The following KLF8 variants were observed in gnomAD, a reference collection of about 807,000 sequenced individuals.
The protein encoded by KLF8 is KLF transcription factor 8.
KLF8 carries 10 observed loss-of-function variants against 18.2 expected under a neutral mutation model. That is an observed-to-expected ratio of 0.55 (90% CI 0.34 to 0.93). KLF8 has a LOEUF of 0.93. Among genes scored for constraint, KLF8 ranks in the 40% least tolerant of loss-of-function variants. The pLI is 0.02. For synonymous variants in KLF8, 109 were observed against 97.3 expected (o/e 1.12, Z -0.71); for missense variants, 264 against 277.9 (o/e 0.95, Z 0.36).
the KLF8 span, among the ~76,000 whole-genome samples, chrX:55,987,857 C>G: frequency 5.4e-5 from 6 of 111,758 alleles, no homozygotes; most frequent in Non-Finnish European, 1.1e-4. Flanking sequence ...TCCTCTCCAG[C>G]ACCTGTTGTT....
chrX:55,960,432 C>T, the KLF8 span, among the ~76,000 whole-genome samples: 1 of 111,422 alleles, frequency 9.0e-6, no homozygotes, highest in African/African-American at 3.3e-5. Context: ...AGGAAAATCA[C>T]GTGATCACAG....
chrX:56,050,052 C>T, the KLF8 span, among the ~76,000 whole-genome samples: 3 of 110,653 alleles, frequency 2.7e-5, no homozygotes, highest in Non-Finnish European at 5.7e-5. Context: ...AGTTTATTTG[C>T]ATAGAGGTGT....
the KLF8 span, among the ~76,000 whole-genome samples, chrX:56,176,064 G>T: frequency 9.0e-6 from 1 of 111,599 alleles, no homozygotes; most frequent in African/African-American, 3.3e-5. Flanking sequence ...TTGCCACTTG[G>T]TGTCTTTTAA....
chrX:55,955,789 C>T, the KLF8 span, among the ~76,000 whole-genome samples: 1 of 111,478 alleles, frequency 9.0e-6, no homozygotes, highest in African/African-American at 3.3e-5. Context: ...CCTAGAGTTG[C>T]ACCTGGTAGG....
At chrX:56,148,460 A>C in the KLF8 span, among the ~76,000 whole-genome samples, 57,649 of 109,557 alleles carry the variant, frequency 0.53, 13,656 homozygotes, top group Non-Finnish European at 0.73. Flanking sequence ...AAATAGAGAA[A>C]TACACCATAA....
At chrX:55,996,599 C>T in the KLF8 span, among the ~76,000 whole-genome samples, 1 of 111,829 alleles carries the variant, frequency 8.9e-6, no homozygotes, top group African/African-American at 3.3e-5. Context: ...ATTTAGTTGA[C>T]AGGCTTCGTT....
At chrX:56,076,764 A>C in the KLF8 span, among the ~76,000 whole-genome samples, 1 of 111,784 alleles carries the variant, frequency 8.9e-6, no homozygotes, top group East Asian at 2.8e-4. Flanking sequence ...CCAACAGTGT[A>C]AAAGTGTTCC....
chrX:56,081,502 C>T, the KLF8 span, among the ~76,000 whole-genome samples: 2 of 112,025 alleles, frequency 1.8e-5, no homozygotes, highest in Non-Finnish European at 3.8e-5. Context: ...CCAGCTAAAA[C>T]TTTCAGTACA....
chrX:55,923,373 T>C, the KLF8 span, among the ~76,000 whole-genome samples: 1 of 110,514 alleles, frequency 9.0e-6, no homozygotes, highest in East Asian at 2.9e-4. Context: ...TCCAGAAGAA[T>C]ATTGAATGAA....
the KLF8 span, among the ~76,000 whole-genome samples, chrX:56,167,740 C>T: frequency 8.9e-6 from 1 of 112,032 alleles, no homozygotes; most frequent in Non-Finnish European, 1.9e-5. Flanking sequence ...TTTATGTATG[C>T]TATGTATATG....
the KLF8 span, among the ~76,000 whole-genome samples, chrX:56,124,392 A>G: frequency 8.9e-6 from 1 of 112,133 alleles, no homozygotes; most frequent in Non-Finnish European, 1.9e-5. Context: ...CAACTTGGGA[A>G]TAACAGAGTC....
At chrX:56,237,510 T>A (rs190221465) in intron 1 of KLF8, among the ~76,000 whole-genome samples, 1 of 111,003 alleles carries the variant, frequency 9.0e-6, no homozygotes, top group East Asian at 2.8e-4. Context: ...CTTGCTTGTC[T>A]ACTTAAAAAT....
At chrX:56,005,509 G>A in the KLF8 span, among the ~76,000 whole-genome samples, 1 of 111,822 alleles carries the variant, frequency 8.9e-6, no homozygotes, top group Non-Finnish European at 1.9e-5. Context: ...CATGATTGCA[G>A]CAGCAATATT....
At chrX:55,912,244 CA>C in the KLF8 span, among the ~76,000 whole-genome samples, 1 of 111,329 alleles carries the variant, frequency 9.0e-6, no homozygotes, top group African/African-American at 3.3e-5. Flanking sequence ...GACCTGGATA[CA>C]CACTGAAGTT....
the KLF8 span, among the ~76,000 whole-genome samples, chrX:56,182,732 C>T: frequency 8.9e-6 from 1 of 112,568 alleles, no homozygotes; most frequent in African/African-American, 3.2e-5. Flanking sequence ...TGTAGGAGGT[C>T]CCCTCCAGAC....
the KLF8 span, among the ~76,000 whole-genome samples, chrX:56,052,817 C>A: frequency 8.9e-6 from 1 of 111,912 alleles, no homozygotes; most frequent in African/African-American, 3.2e-5. Context: ...TTCCTGGCTG[C>A]TTTGTTTACC....
chrX:55,937,571 A>G, the KLF8 span, among the ~76,000 whole-genome samples: 2 of 111,702 alleles, frequency 1.8e-5, no homozygotes, highest in Admixed American at 1.9e-4. Flanking sequence ...AGATCAAACT[A>G]CTCCGAGCTA....
the KLF8 span, among the ~76,000 whole-genome samples, chrX:56,135,009 C>A: frequency 9.0e-6 from 1 of 110,975 alleles, no homozygotes; most frequent in South Asian, 3.8e-4. Flanking sequence ...ATCAATACCA[C>A]GAAGGCCTCA....
chrX:56,022,265 G>A, the KLF8 span, among the ~76,000 whole-genome samples: 3 of 110,903 alleles, frequency 2.7e-5, no homozygotes, highest in Admixed American at 9.6e-5. Context: ...AAATGTCTGA[G>A]GCCAGGCATG....
Sources: gnomAD v4.1 joint callset for allele counts (sites outside exome capture counted in the v4.1 genomes callset) on GRCh38, gnomAD v4.1.1 for gene constraint, MANE v1.5 for transcripts, NCBI Gene and HGNC (gene_info 2026-07-23, HGNC 2026-07-21) for gene names.